The following AFAP1L2 variants were observed in gnomAD, a reference collection of about 807,000 sequenced individuals.
AFAP1L2 encodes actin filament associated protein 1 like 2.
AFAP1L2 carries 46 observed loss-of-function variants against 99.3 expected under a neutral mutation model. The ratio of observed to expected loss-of-function variants is 0.46; its 90% CI spans 0.37 to 0.59. The LOEUF is 0.59. AFAP1L2 is among the 20% of genes least tolerant of loss of function. The probability of loss-of-function intolerance (pLI) is 0.00; values close to 1 mark genes in which losing one functional copy is unlikely to be tolerated. For missense variants in AFAP1L2, 959 were observed against 1,034.9 expected, an observed-to-expected ratio of 0.93 and a Z score of 1.01; for synonymous variants, 397 against 419.1, an observed-to-expected ratio of 0.95 and a Z score of 0.64.
At chr10:114,399,001 T>C in intron 1 of AFAP1L2, 2 of 1,065,676 alleles carry the variant, frequency 1.9e-6, no homozygotes, top group Non-Finnish European at 2.6e-6. Flanking sequence ...GAGATTTTGC[T>C]TCATTTCTTT....
intron 4 of AFAP1L2, among the ~76,000 whole-genome samples, chr10:114,325,644 C>G (rs2046153367): frequency 6.6e-6 from 1 of 152,350 alleles, no homozygotes; most frequent in East Asian, 1.9e-4. Flanking sequence ...CACACCTCTG[C>G]CCAGGCTCCT....
chr10:114,315,215 C>T (rs1313717739), intron 6 of AFAP1L2, among the ~76,000 whole-genome samples: 1 of 151,930 alleles, frequency 6.6e-6, no homozygotes, highest in African/African-American at 2.4e-5. Flanking sequence ...GCTGGAGGAG[C>T]CTGACTGGAC....
At chr10:114,285,053 G>A in the AFAP1L2 span, 1 of 1,159,734 alleles carries the variant, frequency 8.6e-7, no homozygotes, top group East Asian at 2.9e-5. Context: ...CGCCCTTCCA[G>A]CTGCTGGGTA....
intron 12 of AFAP1L2, 170 bp from the exon 13 acceptor site, chr10:114,301,635 T>A: frequency 1.7e-6 from 1 of 585,264 alleles, no homozygotes. Flanking sequence ...CTCCCTCTTT[T>A]CCCAGTGCCT....
intron 1 of AFAP1L2, among the ~76,000 whole-genome samples, chr10:114,402,552 A>G (rs778859121): frequency 7.9e-5 from 12 of 152,216 alleles, no homozygotes; most frequent in Non-Finnish European, 1.5e-4. Context: ...CTGCAAAATG[A>G]TCAGGCAGAT....
In AFAP1L2 at chr10:114,362,992, C is replaced by A. The variant is rs370658556; in HGVS notation, c.17-22261G>T. 312 of 985,378 alleles carry A rather than the reference C, an allele frequency of 3.2e-4. 2 individuals are homozygous for A. In the South Asian group the frequency reaches 7.4e-3, roughly 23 times the overall value. The allele number at this position is 985,378 out of a possible 1,614,324, so 61.0% of individuals were successfully genotyped here. A position where few individuals can be genotyped will look rare whatever the true frequency, so the allele number is the denominator to read the frequency against. Reference sequence around the variant, plus strand: ...GGCCGGGGAATTCCCTGGTGGCAGCCCGACAGGTGGGGAGGGACAGCTGCA... The same window carrying A: ...GGCCGGGGAATTCCCTGGTGGCAGCACGACAGGTGGGGAGGGACAGCTGCA... On this transcript the variant is annotated intron_variant, in intron 1 of 18. Coordinates refer to ENST00000304129, the MANE Select transcript of AFAP1L2 (RefSeq NM_001001936.3).
At chr10:114,327,173 A>ATTTTT (rs148962632) in intron 4 of AFAP1L2, among the ~76,000 whole-genome samples, 1 of 18,700 alleles carries the variant, frequency 5.3e-5, no homozygotes, top group Admixed American at 6.3e-4. Flanking sequence ...ATATATATAT[A>ATTTTT]TTTTTTTTTT....
chr10:114,329,955 G>A (rs770101511), intron 4 of AFAP1L2, among the ~76,000 whole-genome samples: 2 of 152,226 alleles, frequency 1.3e-5, no homozygotes, highest in Admixed American at 6.5e-5. Context: ...GGTGGTGGGC[G>A]GATGGTGTGT....
At chr10:114,291,718 A>T (rs971509775), downstream of AFAP1L2, among the ~76,000 whole-genome samples, 2 of 152,234 alleles carry the variant, frequency 1.3e-5, no homozygotes, top group Non-Finnish European at 2.9e-5. Flanking sequence ...TCAAGATGGA[A>T]AGCAGCAGCT....
At chr10:114,360,553 A>AT (rs1333244924) in intron 1 of AFAP1L2, among the ~76,000 whole-genome samples, 4 of 152,150 alleles carry the variant, frequency 2.6e-5, no homozygotes, top group Admixed American at 6.6e-5. Context: ...AGATAGATAG[A>AT]TAGATAGATA....
At chr10:114,365,497 A>G (rs987362261) in intron 1 of AFAP1L2, among the ~76,000 whole-genome samples, 1 of 152,208 alleles carries the variant, frequency 6.6e-6, no homozygotes, top group Non-Finnish European at 1.5e-5. Flanking sequence ...AGAAACAAAT[A>G]ATATCTAGGA....
intron 1 of AFAP1L2, among the ~76,000 whole-genome samples, chr10:114,376,986 C>G (rs2054896506): frequency 6.6e-6 from 1 of 152,166 alleles, no homozygotes; most frequent in Admixed American, 6.5e-5. Flanking sequence ...TGGCATATCC[C>G]TCACCTGCTG....
chr10:114,340,863 C>G (rs2048721080), intron 1 of AFAP1L2, 132 bp from the exon 2 acceptor site: 1 of 1,324,306 alleles, frequency 7.6e-7, no homozygotes, highest in Admixed American at 1.7e-5. Flanking sequence ...GGTGTGAGGT[C>G]TGGCAGCGTA....
At chr10:114,304,998 CGGGGCTTCGGG>C in intron 10 of AFAP1L2, 68 bp from the exon 11 acceptor site, 1 of 150,740 alleles carries the variant, frequency 6.6e-6, no homozygotes, top group Non-Finnish European at 1.2e-5. Context: ...CAGGAGGGGG[CGGGGCTTCGGG>C]AGGGCACACA....
intron 1 of AFAP1L2, among the ~76,000 whole-genome samples, chr10:114,394,953 G>T (rs2057536669): frequency 6.6e-6 from 1 of 152,212 alleles, no homozygotes; most frequent in Non-Finnish European, 1.5e-5. Context: ...TACAGAAACC[G>T]TGCTTGACCA....
intron 5 of AFAP1L2, chr10:114,319,670 C>T (rs750517883): frequency 1.6e-6 from 2 of 1,282,160 alleles, no homozygotes; most frequent in South Asian, 2.5e-5. Flanking sequence ...GGAGCACAGA[C>T]AGAGGGAAGA....
chr10:114,304,510 A>G (rs2041794041), intron 11 of AFAP1L2, among the ~76,000 whole-genome samples: 1 of 152,222 alleles, frequency 6.6e-6, no homozygotes, highest in African/African-American at 2.4e-5. Flanking sequence ...GAAGTAGCGC[A>G]TGGTTCCACT....
intron 1 of AFAP1L2, among the ~76,000 whole-genome samples, chr10:114,383,129 A>G (rs76195745): frequency 6.6e-6 from 1 of 152,240 alleles, no homozygotes; most frequent in Non-Finnish European, 1.5e-5. Context: ...AAAGAAAAAA[A>G]GTTGTATATA....
chr10:114,371,648 T>C (rs10437495), intron 1 of AFAP1L2, among the ~76,000 whole-genome samples: 105,583 of 150,496 alleles, frequency 0.7, 37,233 homozygotes, highest in East Asian at 0.83. Context: ...CATTACACAC[T>C]GGGGCCTGTT....
Sources: gnomAD v4.1 joint callset for allele counts (sites outside exome capture counted in the v4.1 genomes callset) on GRCh38, gnomAD v4.1.1 for gene constraint, MANE v1.5 for transcripts, NCBI Gene and HGNC (gene_info 2026-07-23, HGNC 2026-07-21) for gene names.